RMDN2: variants seen among roughly 807,000 people sequenced by gnomAD.
The protein encoded by RMDN2 is regulator of microtubule dynamics protein 2.
In RMDN2, 61 loss-of-function variants were observed where a neutral mutation model predicts 52.8. That is an observed-to-expected ratio of 1.16 (90% CI 0.94 to 1.43). The LOEUF (loss-of-function observed/expected upper bound fraction) is 1.43, where lower values mean the gene tolerates loss of function less well. Ranked by LOEUF, RMDN2 falls within the 40% of genes most tolerant of loss-of-function variation. The pLI, the probability that RMDN2 is intolerant of heterozygous loss-of-function variation, is 0.00. For synonymous variants in RMDN2, 180 were observed against 153.1 expected (o/e 1.18, Z -1.30); for missense variants, 592 against 475.3 (o/e 1.25, Z -2.28).
intron 5 of RMDN2, among the ~76,000 whole-genome samples, chr2:37,985,996 T>G (rs1267927383): frequency 6.6e-6 from 1 of 152,180 alleles, no homozygotes; most frequent in Non-Finnish European, 1.5e-5. Context: ...TAGGGAAAAC[T>G]AGGTGTGGCA....
At chr2:37,976,936 G>A (rs1347121893) in intron 4 of RMDN2, among the ~76,000 whole-genome samples, 2 of 151,934 alleles carry the variant, frequency 1.3e-5, no homozygotes, top group Non-Finnish European at 2.9e-5. Context: ...TGGAGGGAAG[G>A]TCAGCAGATA....
At chr2:38,004,572 G>C (rs182022289) in intron 10 of RMDN2, among the ~76,000 whole-genome samples, 236 of 152,016 alleles carry the variant, frequency 1.6e-3, no homozygotes, top group African/African-American at 4.6e-3. Context: ...TAAATCTCCA[G>C]AACCTATTCA....
intron 10 of RMDN2, among the ~76,000 whole-genome samples, chr2:38,045,741 C>T (rs1055784926): frequency 1.3e-5 from 2 of 152,170 alleles, no homozygotes; most frequent in South Asian, 2.1e-4. Context: ...CAGCTCTCCC[C>T]GCCCTTCTCC....
chr2:38,051,481 A>T (rs1424500478), intron 10 of RMDN2, among the ~76,000 whole-genome samples: 1 of 152,186 alleles, frequency 6.6e-6, no homozygotes, highest in Non-Finnish European at 1.5e-5. Flanking sequence ...TAATGATCAA[A>T]TTGGGGTATT....
At chr2:38,030,723 A>T (rs1319310735) in intron 10 of RMDN2, 3 of 152,192 alleles carry the variant, frequency 2.0e-5, no homozygotes, top group Admixed American at 6.5e-5. Context: ...CCATCATTTG[A>T]CCATGGAGAA....
chr2:38,006,353 T>C (rs1385726746), intron 10 of RMDN2, among the ~76,000 whole-genome samples: 2 of 152,212 alleles, frequency 1.3e-5, no homozygotes, highest in Non-Finnish European at 2.9e-5. Context: ...TGTTCTTCCA[T>C]TTGTTTGTAT....
chr2:37,987,659 C>T (rs1055632944), intron 5 of RMDN2, among the ~76,000 whole-genome samples: 1 of 152,166 alleles, frequency 6.6e-6, no homozygotes, highest in Non-Finnish European at 1.5e-5. Flanking sequence ...ATATTAAACA[C>T]CAAGTACAAA....
Position 37,975,287 on chromosome 2 carries a change from C to G in RMDN2, c.703C>G (p.Gln235Glu). Residue 235 changes from glutamine (Q) to glutamate (E), a missense_variant, in exon 4 of 11, where the codon CAA becomes GAA. By Grantham distance (29) the Gln-to-Glu change is conservative. Transcript: ENST00000354545. ...GDMYELSTNT[Q>E]EKKHYANIGK... ...CATGTATGAACTATCTACAAACACA[C>G]AAGAAAAGAAACATTATGCTAATAT... 5.6e-6 allele frequency: 9 copies of G among 1,602,112 alleles called. No individual in the cohort carries two copies. Among genetic ancestry groups the G allele is most frequent in the Non-Finnish European group, 6.8e-6 (8 of 1,169,646 alleles).
intron 1 of RMDN2, among the ~76,000 whole-genome samples, chr2:37,926,922 C>T (rs1026521834): frequency 4.9e-5 from 7 of 144,256 alleles, no homozygotes; most frequent in East Asian, 2.0e-4. Context: ...GGTGACAGAG[C>T]GAGACTCTAA....
intron 10 of RMDN2, among the ~76,000 whole-genome samples, chr2:38,056,391 C>T (rs1330547381): frequency 2.0e-5 from 3 of 152,196 alleles, no homozygotes; most frequent in Non-Finnish European, 4.4e-5. Flanking sequence ...CAACATCAAT[C>T]ACACTGTGTT....
At chr2:37,939,951 T>C (rs911046766) in intron 2 of RMDN2, among the ~76,000 whole-genome samples, 1 of 152,208 alleles carries the variant, frequency 6.6e-6, no homozygotes, top group Non-Finnish European at 1.5e-5. Context: ...TTTTGCCCAT[T>C]AGTTGATGCA....
intron 10 of RMDN2, chr2:38,030,797 AG>A (rs2125273614): frequency 6.6e-6 from 1 of 152,350 alleles, no homozygotes; most frequent in East Asian, 1.9e-4. Context: ...GTGAAGACTA[AG>A]CCCAGGTGGC....
intron 2 of RMDN2, among the ~76,000 whole-genome samples, chr2:37,936,501 C>G (rs1667299555): frequency 1.3e-5 from 2 of 152,312 alleles, no homozygotes; most frequent in South Asian, 2.1e-4. Context: ...CTAATTTACA[C>G]TCCCACCAAC....
At chr2:38,023,916 A>T (rs951999738) in intron 10 of RMDN2, among the ~76,000 whole-genome samples, 3 of 152,192 alleles carry the variant, frequency 2.0e-5, no homozygotes, top group African/African-American at 4.8e-5. Context: ...ATGTTTCTTC[A>T]TGCCCCTTGG....
chr2:37,974,647 AT>A (rs200857053), intron 3 of RMDN2: 24,996 of 146,270 alleles, frequency 0.17, 2,238 homozygotes, highest in African/African-American at 0.23. Flanking sequence ...ACTAAAAAAA[AT>A]AAAATAAAAT....
chr2:37,965,754 G>C (rs1433818016), intron 2 of RMDN2, among the ~76,000 whole-genome samples: 1 of 151,980 alleles, frequency 6.6e-6, no homozygotes, highest in Non-Finnish European at 1.5e-5. Flanking sequence ...GGTCCTTTTT[G>C]TTTCAACTTG....
At chr2:37,992,183 T>C (rs1370667156) in intron 7 of RMDN2, among the ~76,000 whole-genome samples, 1 of 152,216 alleles carries the variant, frequency 6.6e-6, no homozygotes, top group Non-Finnish European at 1.5e-5. Flanking sequence ...TTCATGATGT[T>C]AAGAACCTTC....
chr2:37,966,886 A>T (rs887616085), intron 2 of RMDN2, among the ~76,000 whole-genome samples: 5 of 152,222 alleles, frequency 3.3e-5, no homozygotes, highest in Non-Finnish European at 5.9e-5. Context: ...ACTAAGAAGG[A>T]TAAGACATTA....
At chr2:38,022,184 A>C (rs1371900594), downstream of RMDN2, among the ~76,000 whole-genome samples, 1 of 152,174 alleles carries the variant, frequency 6.6e-6, no homozygotes, top group African/African-American at 2.4e-5. Flanking sequence ...AAACCAAAAT[A>C]AAGAAGTTAT....
Sources: gnomAD v4.1 joint callset for allele counts (sites outside exome capture counted in the v4.1 genomes callset) on GRCh38, gnomAD v4.1.1 for gene constraint, MANE v1.5 for transcripts, NCBI Gene and HGNC (gene_info 2026-07-23, HGNC 2026-07-21) for gene names.